Variants in CELF2 observed in about 807,000 individuals in gnomAD.
The protein encoded by CELF2 is CUG triplet repeat RNA-binding protein 2.
In CELF2, 8 loss-of-function variants were observed where a neutral mutation model predicts 62.6. The ratio of observed to expected loss-of-function variants is 0.13; its 90% confidence interval spans 0.07 to 0.23. The LOEUF is 0.23. Among genes scored for constraint, CELF2 ranks in the 10% least tolerant of loss-of-function variants. The pLI is 1.00. For missense variants in CELF2, 333 were observed against 671.0 expected (o/e 0.50, Z 5.56); for synonymous variants, 258 against 250.0 (o/e 1.03, Z -0.30).
At chr10:10,986,261 G>T (rs191995148) in intron 2 of CELF2, among the ~76,000 whole-genome samples, 5 of 152,052 alleles carry the variant, frequency 3.3e-5, no homozygotes, top group Admixed American at 3.3e-4. Context: ...CATATAATTT[G>T]CTAGAATCTA....
At chr10:10,671,004 A>G in the CELF2 span, among the ~76,000 whole-genome samples, 1 of 151,978 alleles carries the variant, frequency 6.6e-6, no homozygotes, top group African/African-American at 2.4e-5. Context: ...CCATCTCTAC[A>G]AAAAATAAAA....
chr10:11,261,486 C>G (rs1387545717), intron 5 of CELF2, among the ~76,000 whole-genome samples: 2 of 150,726 alleles, frequency 1.3e-5, no homozygotes. Context: ...AAAATCCCAT[C>G]TTACTCAGCG....
intron 1 of CELF2, among the ~76,000 whole-genome samples, chr10:11,162,635 C>A (rs2065985273): frequency 6.6e-6 from 1 of 151,988 alleles, no homozygotes; most frequent in Non-Finnish European, 1.5e-5. Context: ...TGTAAAGTAC[C>A]TATCACAATA....
At chr10:10,626,732 A>G in the CELF2 span, among the ~76,000 whole-genome samples, 1 of 152,204 alleles carries the variant, frequency 6.6e-6, no homozygotes. Flanking sequence ...TACTTCATTG[A>G]CACCTTATTC....
At chr10:10,812,182 G>T (rs755574534) in intron 1 of CELF2, among the ~76,000 whole-genome samples, 2 of 152,144 alleles carry the variant, frequency 1.3e-5, no homozygotes, top group African/African-American at 2.4e-5. Context: ...GGCTGGGAAG[G>T]CCTCACAATC....
At chr10:11,086,070 A>G (rs186067399) in intron 1 of CELF2, among the ~76,000 whole-genome samples, 1 of 152,312 alleles carries the variant, frequency 6.6e-6, no homozygotes, top group East Asian at 1.9e-4. Flanking sequence ...ACAATTTGCA[A>G]TCAAAATATA....
rs1023738809 is a variant in CELF2 at position 10,957,807 on chromosome 10, A to G, written c.89+37808A>G. 6.6e-6 allele frequency among the ~76,000 whole-genome samples: 1 copy of G among 152,158 alleles called. No homozygotes were observed. Among genetic ancestry groups the G allele is most frequent in the Non-Finnish European group, 1.5e-5 (1 of 68,030 alleles). ...ACCACGTTTTTCATCGGTTTTCCCC[A>G]TCTTCCTAATTGGGATCACATTCTC... On this transcript the variant is annotated intron_variant, in intron 2 of 13. Coordinates refer to the CELF2 transcript ENST00000636488. The surrounding 1 kb of genome is among the most constrained non-coding windows in gnomAD (Gnocchi z 4.1).
intron 8 of CELF2, among the ~76,000 whole-genome samples, chr10:11,283,075 A>G (rs2089580476): frequency 6.6e-6 from 1 of 152,168 alleles, no homozygotes; most frequent in Non-Finnish European, 1.5e-5. Context: ...GCTTATGAGC[A>G]CGCACTTCTG....
the CELF2 span, among the ~76,000 whole-genome samples, chr10:10,561,473 C>A: frequency 6.6e-6 from 1 of 152,326 alleles, no homozygotes; most frequent in Middle Eastern, 3.4e-3. Flanking sequence ...AGAACAAAAT[C>A]CCTTTCTTCA....
intron 2 of CELF2, among the ~76,000 whole-genome samples, chr10:10,951,193 C>T (rs116689757): frequency 3.0e-3 from 451 of 152,256 alleles, no homozygotes; most frequent in African/African-American, 0.01. Flanking sequence ...CTCTGTTGCC[C>T]AGGCTGGAGA....
intron 4 of CELF2, among the ~76,000 whole-genome samples, chr10:11,253,821 C>A (rs1194329603): frequency 6.6e-6 from 1 of 152,090 alleles, no homozygotes; most frequent in African/African-American, 2.4e-5. Flanking sequence ...CACGGGGGAC[C>A]CCATCTGTGC....
chr10:10,859,960 T>A (rs1047598764), intron 1 of CELF2, among the ~76,000 whole-genome samples: 2 of 152,208 alleles, frequency 1.3e-5, no homozygotes, highest in South Asian at 2.1e-4. Context: ...TTTGTTTGTA[T>A]GTTTTATGTC....
intron 1 of CELF2, chr10:11,030,568 G>A (rs563395282): frequency 7.2e-5 from 11 of 152,250 alleles, no homozygotes; most frequent in African/African-American, 2.6e-4. Context: ...TCCAAAGCCC[G>A]AGGTTGCAGC....
chr10:10,577,359 A>C, the CELF2 span, among the ~76,000 whole-genome samples: 1 of 121,214 alleles, frequency 8.2e-6, no homozygotes, highest in Non-Finnish European at 1.8e-5. Flanking sequence ...TTCTCAACAA[A>C]TCTTTTTATT....
chr10:10,796,784 A>G (rs743278), upstream of CELF2: 215,450 of 521,252 alleles, frequency 0.41, 45,317 homozygotes, highest in East Asian at 0.54. Context: ...AAGTACTTGG[A>G]GATTAAAAGT....
rs2093333054 is a variant in CELF2 at position 11,297,674 on chromosome 10, A to T, written c.976+9122A>T. On this transcript the variant is annotated intron_variant, in intron 9 of 12. Coordinates refer to ENST00000633077, the MANE Select transcript of CELF2 (RefSeq NM_001326342.2). The surrounding 1 kb of genome is among the most constrained non-coding windows in gnomAD (Gnocchi z 4.4). Reference sequence around the variant, plus strand: ...ATGTTCATGAAATGTGAATATTTTTAAAAATCTGTAATGGGGCCAGTCATG... The same window carrying T: ...ATGTTCATGAAATGTGAATATTTTTTAAAATCTGTAATGGGGCCAGTCATG... Among the ~76,000 whole-genome samples, 1 of 152,186 alleles carries T rather than the reference A, an allele frequency of 6.6e-6. No homozygotes were observed. The highest frequency in any genetic ancestry group is 2.4e-5 in the African/African-American group (1 of 41,438).
intron 1 of CELF2, among the ~76,000 whole-genome samples, chr10:11,128,274 A>G (rs938180527): frequency 5.9e-5 from 9 of 152,016 alleles, no homozygotes; most frequent in South Asian, 2.1e-4. Flanking sequence ...TGCTGTTTTG[A>G]TTACTGTAGC....
chr10:11,185,389 C>T (rs117753202), intron 2 of CELF2, among the ~76,000 whole-genome samples: 6 of 152,002 alleles, frequency 3.9e-5, no homozygotes, highest in Admixed American at 6.6e-5. Context: ...TGGGATAAGT[C>T]TTACTTGGTC....
chr10:10,840,281 G>T (rs1024246056), intron 1 of CELF2, among the ~76,000 whole-genome samples: 2 of 152,174 alleles, frequency 1.3e-5, no homozygotes, highest in African/African-American at 4.8e-5. Context: ...GTGAGAAACT[G>T]GCAAACTGTC....
Sources: gnomAD v4.1 joint callset for allele counts (sites outside exome capture counted in the v4.1 genomes callset) on GRCh38, gnomAD v4.1.1 for gene constraint, Gnocchi (gnomAD v3.1) non-coding constraint, MANE v1.5 for transcripts, NCBI Gene and HGNC (gene_info 2026-07-23, HGNC 2026-07-21) for gene names.